The following RAD54B variants were observed in gnomAD, a reference collection of about 807,000 sequenced individuals.
The protein encoded by RAD54B is DNA repair and recombination protein RAD54B.
Under a neutral mutation model 95.8 loss-of-function variants are expected in RAD54B, and 78 were observed. The observed-to-expected ratio is 0.81, with a 90% CI of 0.68 to 0.98. RAD54B has a LOEUF of 0.98. RAD54B is among the 50% of genes least tolerant of loss of function. RAD54B has a pLI of 0.00. For missense variants in RAD54B, 957 were observed against 1,056.6 expected (o/e 0.91, Z 1.31); for synonymous variants, 328 against 354.9 (o/e 0.92, Z 0.85).
intron 3 of RAD54B, among the ~76,000 whole-genome samples, chr8:94,425,729 TTA>T (rs1461173600): frequency 2.0e-5 from 3 of 152,036 alleles, no homozygotes; most frequent in South Asian, 4.2e-4. Flanking sequence ...ATTTTCAGAA[TTA>T]TGTTTTATAA....
chr8:94,376,713 ATTATAT>A (rs1810581681), intron 14 of RAD54B, among the ~76,000 whole-genome samples: 1 of 148,618 alleles, frequency 6.7e-6, no homozygotes, highest in South Asian at 2.1e-4. Flanking sequence ...ATTGTGCATG[ATTATAT>A]TTATTATATT....
At position 94,393,883 on chromosome 8, in the gene RAD54B, CT is replaced by C; in HGVS notation, c.1379-2del. On this transcript the variant is annotated splice_acceptor_variant, in intron 8 of 14. Transcript: ENST00000336148. LOFTEE classifies it high-confidence loss of function. ...TGCAGATCATTCTGAATTGGAGTAC[CT>C]AAAGAGAGACAAAAATGAGTAAAAG... The C allele has an allele frequency of 6.3e-7, 1 of 1,580,232 alleles. No individual in the cohort carries two copies. Among genetic ancestry groups the C allele is most frequent in the Non-Finnish European group, 8.6e-7 (1 of 1,167,588 alleles).
chr8:94,374,502 C>T (rs1810519506), intron 14 of RAD54B, among the ~76,000 whole-genome samples: 2 of 151,754 alleles, frequency 1.3e-5, no homozygotes, highest in African/African-American at 2.4e-5. Flanking sequence ...TTAGACTGGA[C>T]AAAAAATAAA....
intron 14 of RAD54B, among the ~76,000 whole-genome samples, chr8:94,373,486 C>T (rs72672681): frequency 0.017 from 2,523 of 152,270 alleles, 37 homozygotes; most frequent in Non-Finnish European, 0.026. Flanking sequence ...TACTTTATCT[C>T]TTCTCTCACT....
intron 2 of RAD54B, among the ~76,000 whole-genome samples, chr8:94,466,146 G>A (rs1375643102): frequency 6.6e-6 from 1 of 152,116 alleles, no homozygotes; most frequent in Non-Finnish European, 1.5e-5. Context: ...CTTAAAAATG[G>A]TAATGTGGCA....
intron 4 of RAD54B, 86 bp from the exon 5 acceptor site, chr8:94,407,806 G>T: frequency 8.8e-7 from 1 of 1,135,070 alleles, no homozygotes; most frequent in Admixed American, 2.6e-5. Flanking sequence ...ACTGCACTTT[G>T]AATGTAAATA....
In RAD54B at chr8:94,387,009, T is replaced by C. The variant is rs571848774; in HGVS notation, c.1960A>G (p.Ile654Val). The C allele has an allele frequency of 9.1e-5, 145 of 1,601,026 alleles. 1 individual carries two copies. In the South Asian group the frequency reaches 1.5e-3, roughly 17 times the overall value. The change falls in exon 11 of 15, where the codon ATC becomes GTC. Residue 654 changes from isoleucine (I) to valine (V), a missense_variant. Coordinates refer to ENST00000336148, the MANE Select transcript of RAD54B (RefSeq NM_012415.3). ...TTTTCAGTAGGTCGAAGTTCGTGGA[T>C]AACCGCTAAGAGCTTGGACAACACC... is the stretch of plus-strand genomic sequence containing the variant. ...LQVLSKLLAV[I>V]HELRPTEKVV...
chr8:94,458,216 A>C (rs1055009246), intron 3 of RAD54B, 52 bp downstream of exon 3: 13 of 1,415,162 alleles, frequency 9.2e-6, no homozygotes, highest in Non-Finnish European at 1.2e-5. Flanking sequence ...TTTAAAGAAT[A>C]CTGTAATACT....
intron 2 of RAD54B, among the ~76,000 whole-genome samples, chr8:94,466,157 A>T (rs1813019641): frequency 6.6e-6 from 1 of 152,208 alleles, no homozygotes; most frequent in African/African-American, 2.4e-5. Context: ...TAATGTGGCA[A>T]ATTTTATGTT....
At chr8:94,405,080 C>A (rs1430864722) in intron 5 of RAD54B, among the ~76,000 whole-genome samples, 2 of 152,260 alleles carry the variant, frequency 1.3e-5, no homozygotes, top group South Asian at 4.1e-4. Flanking sequence ...TCCCAAAGTG[C>A]TGGGATTAAA....
At chr8:94,403,289 T>C (rs749607768) in intron 6 of RAD54B, among the ~76,000 whole-genome samples, 1 of 152,196 alleles carries the variant, frequency 6.6e-6, no homozygotes, top group Non-Finnish European at 1.5e-5. Context: ...CTAAAATATC[T>C]TTAAGATACT....
intron 11 of RAD54B, among the ~76,000 whole-genome samples, chr8:94,382,069 G>C (rs751384991): frequency 6.7e-6 from 1 of 148,748 alleles, no homozygotes; most frequent in Non-Finnish European, 1.5e-5. Flanking sequence ...AGCCGAGATC[G>C]CGCCACTGCA....
rs1042797401 is a variant in RAD54B, at chr8:94,377,837, G to A, written c.2515+343C>T. Among the ~76,000 whole-genome samples, 31 of 149,368 alleles carry A rather than the reference G, an allele frequency of 2.1e-4. No homozygotes were observed. The East Asian group carries it at 2.2e-3, about 11-fold the overall frequency. On this transcript the variant is annotated intron_variant, in intron 14 of 14. Coordinates refer to ENST00000336148, the MANE Select transcript of RAD54B (RefSeq NM_012415.3). ...TAAAAATACAAAAAATTAGCCGGGC[G>A]TGGTAGCGGGCGCCTGTAGTCCCAG...
rs764461313 is a variant in RAD54B, at chr8:94,372,304, A to G, written c.2599T>C (p.Ser867Pro). 4 of 1,613,750 alleles carry G rather than the reference A, an allele frequency of 2.5e-6. No individual in the cohort carries two copies. The highest frequency in any genetic ancestry group is 1.7e-5 in the Admixed American group (1 of 59,988). ...TTCCATTGCTTCAGCTGGGACATAG[A>G]AAGAGGTTTCAGGGAGTTAGATTTC... ...HQKSNSLKPLSMSQLKQWKHF... is the reference protein window; with the variant it reads ...HQKSNSLKPLPMSQLKQWKHF... Residue 867 changes from serine (S) to proline (P), a missense_variant, in exon 15 of 15, where the codon TCT (serine) becomes CCT (proline). Coordinates refer to ENST00000336148, the MANE Select transcript of RAD54B (RefSeq NM_012415.3).
At chr8:94,400,928 C>A (rs1272560936) in intron 6 of RAD54B, among the ~76,000 whole-genome samples, 5 of 152,004 alleles carry the variant, frequency 3.3e-5, no homozygotes, top group African/African-American at 1.2e-4. Context: ...AAATAGCTCC[C>A]TGCATCATAA....
chr8:94,388,846 G>A (rs1810951388), intron 10 of RAD54B, among the ~76,000 whole-genome samples: 1 of 152,186 alleles, frequency 6.6e-6, no homozygotes, highest in African/African-American at 2.4e-5. Flanking sequence ...AACTTGGAAA[G>A]ATCATCAAAG....
At chr8:94,377,030 T>C (rs1043065965) in intron 14 of RAD54B, among the ~76,000 whole-genome samples, 1 of 152,144 alleles carries the variant, frequency 6.6e-6, no homozygotes, top group Non-Finnish European at 1.5e-5. Flanking sequence ...CCTGATCTAG[T>C]TCCTTTTTGA....
intron 3 of RAD54B, among the ~76,000 whole-genome samples, chr8:94,417,428 A>AAC (rs562071119): frequency 1.2e-4 from 18 of 152,006 alleles, no homozygotes; most frequent in Non-Finnish European, 2.1e-4. Flanking sequence ...AGCTGTTTAA[A>AAC]ACACACACAC....
At chr8:94,419,847 C>T (rs74325561) in intron 3 of RAD54B, among the ~76,000 whole-genome samples, 5,037 of 150,914 alleles carry the variant, frequency 0.033, 106 homozygotes, top group Non-Finnish European at 0.049. Context: ...TTATTAAACA[C>T]TTTAGTATAC....
Sources: allele counts gnomAD v4.1 joint callset (sites outside exome capture counted in the v4.1 genomes callset), GRCh38; gene constraint gnomAD v4.1.1; transcripts MANE v1.5; gene names NCBI Gene and HGNC (gene_info 2026-07-23, HGNC 2026-07-21).